DPYD: variants seen among roughly 807,000 people sequenced by gnomAD.
DPYD encodes the protein dihydropyrimidine dehydrogenase.
A neutral mutation model predicts 116.2 loss-of-function variants in DPYD; 109 were observed. That is an observed-to-expected ratio of 0.94 (90% CI 0.80 to 1.10). The LOEUF is 1.10. DPYD is among the 50% of genes least tolerant of loss of function. The pLI is 0.00. For synonymous variants in DPYD, 440 were observed against 432.0 expected (o/e 1.02, Z -0.23); for missense variants, 1,302 against 1,254.5 (o/e 1.04, Z -0.57).
chr1:97,610,628 C>G (rs1655885609), intron 8 of DPYD, among the ~76,000 whole-genome samples: 1 of 151,982 alleles, frequency 6.6e-6, no homozygotes, highest in African/African-American at 2.4e-5. Flanking sequence ...GCAAAGCTAT[C>G]TTCGTGGACA....
chr1:97,783,982 T>C (rs1666889255), intron 3 of DPYD, among the ~76,000 whole-genome samples: 1 of 152,200 alleles, frequency 6.6e-6, no homozygotes, highest in Non-Finnish European at 1.5e-5. Flanking sequence ...ACACATATCT[T>C]GGCTTAATAA....
At chr1:97,140,249 T>C (rs921747659) in intron 20 of DPYD, among the ~76,000 whole-genome samples, 2 of 152,010 alleles carry the variant, frequency 1.3e-5, no homozygotes, top group African/African-American at 2.4e-5. Context: ...TCCCTGATAG[T>C]AGGGCCAGTA....
rs1200424384 is a variant in DPYD at position 97,195,569 on chromosome 1, CATATAT to C, written c.2443-2327_2443-2322del. Among the ~76,000 whole-genome samples, 63 of 37,362 alleles carry C rather than the reference CATATAT, an allele frequency of 1.7e-3. 1 individual carries two copies. Among genetic ancestry groups the C allele is most frequent in the African/African-American group, 5.1e-3 (49 of 9,678 alleles). The allele number at this position is 37,362 out of a possible 152,430, so 24.5% of individuals were successfully genotyped here. A position where few individuals can be genotyped will look rare whatever the true frequency, so the allele number is the denominator to read the frequency against. The stretch of plus-strand genomic sequence containing the variant: ...GAGAGAGAGAGAGAGACAGAACTCT[CATATAT>C]ATATATATATATATATATATGTGTG... On this transcript the variant is annotated intron_variant, in intron 19 of 22. Transcript: ENST00000370192.
chr1:97,239,549 T>C (rs1231034185), intron 18 of DPYD, among the ~76,000 whole-genome samples: 2 of 152,072 alleles, frequency 1.3e-5, no homozygotes, highest in Non-Finnish European at 2.9e-5. Context: ...GGTCTTATCA[T>C]TGTAGTAGGT....
chr1:97,373,731 T>G, intron 15 of DPYD, 87 bp from the exon 16 acceptor site: 2 of 1,156,092 alleles, frequency 1.7e-6, no homozygotes, highest in Non-Finnish European at 1.3e-6. Flanking sequence ...CAAGTCACAT[T>G]TGTCAAGTGT....
intron 10 of DPYD, among the ~76,000 whole-genome samples, chr1:97,580,411 A>G (rs1653562379): frequency 1.3e-5 from 2 of 152,244 alleles, no homozygotes; most frequent in African/African-American, 4.8e-5. Flanking sequence ...GATGTACCAG[A>G]AACATTCAGA....
At chr1:97,784,115 T>G (rs1216669882) in intron 3 of DPYD, among the ~76,000 whole-genome samples, 3 of 152,204 alleles carry the variant, frequency 2.0e-5, no homozygotes, top group Non-Finnish European at 4.4e-5. Context: ...AATACTTGAC[T>G]TCATTTGATT....
intron 16 of DPYD, among the ~76,000 whole-genome samples, chr1:97,329,797 G>A (rs1668896292): frequency 7.0e-6 from 1 of 141,880 alleles, no homozygotes; most frequent in African/African-American, 2.6e-5. Context: ...CCCCATGCAT[G>A]AATGGCACAC....
intron 6 of DPYD, among the ~76,000 whole-genome samples, chr1:97,693,073 G>A (rs894518508): frequency 3.3e-5 from 5 of 151,752 alleles, no homozygotes; most frequent in East Asian, 3.9e-4. Flanking sequence ...AGCGGATCAC[G>A]AGGTCAGGAG....
rs375490078 is a variant in DPYD, at chr1:97,257,452, T to TATATATATATAGAGAGAGAGAGAGAG, written c.2300-22459_2300-22458insCTCTCTCTCTCTCTCTATATATATAT. On this transcript the variant is annotated intron_variant, in intron 18 of 22. Coordinates refer to ENST00000370192, the MANE Select transcript of DPYD (RefSeq NM_000110.4). ...ATACATACGTATATATATATATATA[T>TATATATATATAGAGAGAGAGAGAGAG]AGAGAGAGAGAAAGAGAGAGAGAGC... Among the ~76,000 whole-genome samples the TATATATATATAGAGAGAGAGAGAGAG allele has an allele frequency of 2.0e-4, 25 of 126,462 alleles. 1 individual carries two copies. Among genetic ancestry groups the TATATATATATAGAGAGAGAGAGAGAG allele is most frequent in the South Asian group, 8.1e-4 (3 of 3,684 alleles). The allele number at this position is 126,462 out of a possible 152,430, so 83.0% of individuals were successfully genotyped here.
At chr1:97,210,734 G>A (rs184914903) in intron 19 of DPYD, among the ~76,000 whole-genome samples, 157 of 152,160 alleles carry the variant, frequency 1.0e-3, no homozygotes, top group Middle Eastern at 6.8e-3. Flanking sequence ...ACATTTTCAC[G>A]GAGGTGTTTC....
intron 18 of DPYD, among the ~76,000 whole-genome samples, chr1:97,304,316 G>A (rs536308930): frequency 5.9e-5 from 9 of 152,066 alleles, no homozygotes; most frequent in Non-Finnish European, 1.2e-4. Context: ...TGATAAAAGC[G>A]AGCTGTGTCT....
intron 19 of DPYD, among the ~76,000 whole-genome samples, chr1:97,194,080 T>C (rs975848960): frequency 3.9e-5 from 6 of 152,244 alleles, no homozygotes; most frequent in Non-Finnish European, 7.3e-5. Flanking sequence ...TTGGTCACTA[T>C]ATTATCTGCA....
chr1:97,467,836 T>A (rs1677417053), intron 13 of DPYD, among the ~76,000 whole-genome samples: 1 of 152,174 alleles, frequency 6.6e-6, no homozygotes, highest in African/African-American at 2.4e-5. Context: ...CATATCCCAA[T>A]GCTTTAGGGA....
chr1:97,893,593 T>C (rs1173782569), intron 1 of DPYD, among the ~76,000 whole-genome samples: 3 of 151,390 alleles, frequency 2.0e-5, no homozygotes, highest in South Asian at 4.1e-4. Flanking sequence ...AATGATGAAT[T>C]TGTAAAACAT....
intron 4 of DPYD, among the ~76,000 whole-genome samples, chr1:97,733,036 G>C (rs1210631918): frequency 6.6e-6 from 1 of 151,910 alleles, no homozygotes. Flanking sequence ...CATATAGATA[G>C]GTAGGACAAA....
At chr1:97,684,104 C>T (rs189108955) in intron 7 of DPYD, among the ~76,000 whole-genome samples, 5 of 152,108 alleles carry the variant, frequency 3.3e-5, no homozygotes, top group African/African-American at 1.2e-4. Flanking sequence ...TCTTGCTTGT[C>T]TAGTTCTTTT....
intron 13 of DPYD, among the ~76,000 whole-genome samples, chr1:97,512,215 G>C (rs10493893): frequency 0.3 from 45,814 of 151,434 alleles, 7,014 homozygotes; most frequent in East Asian, 0.49. Context: ...TACAGAAACA[G>C]CTACATAAAT....
chr1:97,711,470 A>G lies in DPYD; in HGVS notation c.483+10040T>C, dbSNP rs892262656. On this transcript the variant is annotated intron_variant, in intron 5 of 22. Transcript: ENST00000370192. Reference sequence around the variant, plus strand: ...AATGAGTATTTGAAGTAAGTTTTCTACTAAATGTGCATCACTTTTACACCA... The same window carrying G: ...AATGAGTATTTGAAGTAAGTTTTCTGCTAAATGTGCATCACTTTTACACCA... 1.6e-4 allele frequency among the ~76,000 whole-genome samples: 25 copies of G among 152,090 alleles called. 1 individual carries two copies. Among genetic ancestry groups the G allele is most frequent in the Admixed American group, 1.6e-3 (25 of 15,238 alleles).
Sources: allele counts gnomAD v4.1 joint callset (sites outside exome capture counted in the v4.1 genomes callset), GRCh38; gene constraint gnomAD v4.1.1; transcripts MANE v1.5; gene names NCBI Gene and HGNC (gene_info 2026-07-23, HGNC 2026-07-21).